Variants in MICU1 observed in about 807,000 individuals in gnomAD.
MICU1 encodes the protein mitochondrial calcium uptake 1, also known as calcium uptake protein 1, mitochondrial.
In MICU1, 45 loss-of-function variants were observed where a neutral mutation model predicts 56.8. The ratio of observed to expected loss-of-function variants is 0.79; its 90% confidence interval spans 0.62 to 1.02. The LOEUF (loss-of-function observed/expected upper bound fraction) is 1.02. Ranked by LOEUF, MICU1 falls within the 50% of genes least tolerant of loss-of-function variation. The pLI is 0.00. For missense variants in MICU1, 504 were observed against 587.1 expected (o/e 0.86, Z 1.46); for synonymous variants, 186 against 195.1 (o/e 0.95, Z 0.39).
At chr10:72,617,067 T>C (rs1381434593) in intron 1 of MICU1, among the ~76,000 whole-genome samples, 1 of 152,246 alleles carries the variant, frequency 6.6e-6, no homozygotes, top group Non-Finnish European at 1.5e-5. Flanking sequence ...TTACACATTT[T>C]TGTCTGCTTT....
chr10:72,606,941 C>T (rs3009537), intron 1 of MICU1, among the ~76,000 whole-genome samples: 85,632 of 152,070 alleles, frequency 0.56, 25,479 homozygotes, highest in Non-Finnish European at 0.67. Context: ...AGCTTCCAGG[C>T]TGGTGAACTC....
chr10:72,558,876 C>T lies in MICU1; in HGVS notation c.330+4019G>A, dbSNP rs558776224. ...TATAAAAAATCTTTTAAAAAATTAG[C>T]TGGTTATGGAGATGCATGCCTGTAG... On this transcript the variant is annotated intron_variant, in intron 3 of 11. Coordinates refer to ENST00000361114, the MANE Select transcript of MICU1 (RefSeq NM_001195518.2). 3.0e-4 allele frequency among the ~76,000 whole-genome samples: 46 copies of T among 152,246 alleles called. 1 individual carries two copies. In the South Asian group the frequency reaches 7.9e-3, roughly 26 times the overall value.
chr10:72,386,523 T>C (rs1019735847), intron 10 of MICU1, among the ~76,000 whole-genome samples: 10 of 151,054 alleles, frequency 6.6e-5, no homozygotes, highest in Admixed American at 5.3e-4. Flanking sequence ...CTACGTTATA[T>C]AGAGCCGCAC....
chr10:72,428,210 G>A (rs1410515473), intron 8 of MICU1, among the ~76,000 whole-genome samples: 1 of 152,194 alleles, frequency 6.6e-6, no homozygotes, highest in Non-Finnish European at 1.5e-5. Context: ...ACAGTTTAGT[G>A]CCTTCAGCAG....
At chr10:72,519,631 A>C (rs1867757706) in intron 5 of MICU1, among the ~76,000 whole-genome samples, 1 of 152,202 alleles carries the variant, frequency 6.6e-6, no homozygotes, top group Non-Finnish European at 1.5e-5. Context: ...CATGAGGGGC[A>C]CTGGAACTGG....
chr10:72,440,235 A>G (rs1344131284), intron 8 of MICU1, among the ~76,000 whole-genome samples: 1 of 152,202 alleles, frequency 6.6e-6, no homozygotes, highest in African/African-American at 2.4e-5. Flanking sequence ...GAGGCCTCAG[A>G]AATAACACCA....
Position 72,592,927 on chromosome 10 carries a change from C to T in MICU1, c.-1-26133G>A, listed in dbSNP as rs535045583. 1.6e-4 allele frequency among the ~76,000 whole-genome samples: 24 copies of T among 152,116 alleles called. No individual in the cohort carries two copies. The East Asian group carries it at 3.7e-3, about 23-fold the overall frequency. On this transcript the variant is annotated intron_variant, in intron 1 of 11. Coordinates refer to ENST00000361114, the MANE Select transcript of MICU1 (RefSeq NM_001195518.2). ...CCTCCCAAGTACCTGAAATTACAGG[C>T]ACCTGACACCATGCCTGGCTAATTC... is the stretch of plus-strand genomic sequence containing the variant.
intron 1 of MICU1, among the ~76,000 whole-genome samples, chr10:72,581,648 C>G: frequency 6.6e-6 from 1 of 152,028 alleles, no homozygotes; most frequent in South Asian, 2.1e-4. Flanking sequence ...AAGTTACTAC[C>G]AACAGAACTA....
At chr10:72,592,080 G>A (rs1365600404) in intron 1 of MICU1, among the ~76,000 whole-genome samples, 2 of 148,974 alleles carry the variant, frequency 1.3e-5, no homozygotes, top group Non-Finnish European at 3.0e-5. Context: ...CCCGATCCTG[G>A]CTCACTGCAA....
chr10:72,501,794 C>T (rs1351280082), intron 6 of MICU1: 4 of 152,170 alleles, frequency 2.6e-5, no homozygotes, highest in South Asian at 2.1e-4. Flanking sequence ...ATTGTAAGCA[C>T]GAGATATTTC....
intron 8 of MICU1, among the ~76,000 whole-genome samples, chr10:72,473,853 T>C (rs990251310): frequency 3.3e-5 from 5 of 152,154 alleles, no homozygotes; most frequent in Admixed American, 6.5e-5. Flanking sequence ...AGAAGTAACA[T>C]ACATAGTTTA....
At chr10:72,555,387 TA>T (rs920656704) in intron 3 of MICU1, among the ~76,000 whole-genome samples, 4 of 148,338 alleles carry the variant, frequency 2.7e-5, no homozygotes, top group African/African-American at 4.9e-5. Context: ...GTTATAACTA[TA>T]AAAAAAAAAC....
At chr10:72,536,152 T>C (rs1001486880) in intron 4 of MICU1, among the ~76,000 whole-genome samples, 5 of 152,086 alleles carry the variant, frequency 3.3e-5, no homozygotes, top group South Asian at 2.1e-4. Flanking sequence ...TATAGCATTG[T>C]AGAGTTAACA....
intron 9 of MICU1, among the ~76,000 whole-genome samples, chr10:72,408,840 A>C (rs1863715047): frequency 6.6e-6 from 1 of 152,206 alleles, no homozygotes; most frequent in African/African-American, 2.4e-5. Context: ...TATTTAGCAA[A>C]ACCCAAGTAA....
intron 10 of MICU1, among the ~76,000 whole-genome samples, chr10:72,398,408 A>T (rs904001263): frequency 1.3e-5 from 2 of 152,210 alleles, no homozygotes; most frequent in Admixed American, 6.6e-5. Context: ...AACAAATGCA[A>T]AAGCTAGCAG....
At chr10:72,574,373 T>C (rs1840689786) in intron 1 of MICU1, among the ~76,000 whole-genome samples, 2 of 151,858 alleles carry the variant, frequency 1.3e-5, no homozygotes, top group Admixed American at 6.6e-5. Context: ...CTCCTAAAAA[T>C]ACAAACATGG....
At chr10:72,590,850 A>T (rs1476056280) in intron 1 of MICU1, among the ~76,000 whole-genome samples, 37 of 147,480 alleles carry the variant, frequency 2.5e-4, no homozygotes, top group Admixed American at 4.1e-4. Flanking sequence ...TAAAAATTAA[A>T]AAAAAAAAAA....
intron 6 of MICU1, among the ~76,000 whole-genome samples, chr10:72,505,056 C>G (rs1316974838): frequency 6.7e-6 from 1 of 150,244 alleles, no homozygotes; most frequent in Non-Finnish European, 1.5e-5. Context: ...TCACTGCAAC[C>G]TCCACCTCCC....
chr10:72,574,894 T>C (rs189416261), intron 1 of MICU1, among the ~76,000 whole-genome samples: 20 of 152,290 alleles, frequency 1.3e-4, no homozygotes, highest in African/African-American at 4.6e-4. Flanking sequence ...ACTGGGCAAG[T>C]GTTCTTTTGA....
Sources: gnomAD v4.1 joint callset for allele counts (sites outside exome capture counted in the v4.1 genomes callset) on GRCh38, gnomAD v4.1.1 for gene constraint, MANE v1.5 for transcripts, NCBI Gene and HGNC (gene_info 2026-07-23, HGNC 2026-07-21) for gene names.